Variants in PLCH1 observed in about 807,000 individuals in gnomAD.
PLCH1 encodes 1-phosphatidylinositol 4,5-bisphosphate phosphodiesterase eta-1.
A neutral mutation model predicts 126.7 loss-of-function variants in PLCH1; 60 were observed. That is an observed-to-expected ratio of 0.47 (90% confidence interval 0.38 to 0.59). PLCH1 has a LOEUF of 0.59. Ranked by LOEUF, PLCH1 falls within the 20% of genes least tolerant of loss-of-function variation. The probability of loss-of-function intolerance (pLI) is 0.00; values close to 1 mark genes in which losing one functional copy is unlikely to be tolerated. For missense variants in PLCH1, 1,723 were observed against 2,040.0 expected (o/e 0.84, Z 2.99); for synonymous variants, 719 against 734.9 (o/e 0.98, Z 0.35).
intron 9 of PLCH1, 73 bp downstream of exon 9, chr3:155,554,003 T>C: frequency 6.8e-7 from 1 of 1,476,004 alleles, no homozygotes; most frequent in South Asian, 1.2e-5. Flanking sequence ...GATGTGGTTT[T>C]GTAGCTACGT....
At chr3:155,555,278 G>T (rs1442588231) in intron 8 of PLCH1, among the ~76,000 whole-genome samples, 1 of 152,182 alleles carries the variant, frequency 6.6e-6, no homozygotes, top group Non-Finnish European at 1.5e-5. Context: ...AACACAGCTG[G>T]ACTCTATTTC....
chr3:155,671,379 T>A (rs1743431379), intron 2 of PLCH1, among the ~76,000 whole-genome samples: 1 of 152,230 alleles, frequency 6.6e-6, no homozygotes, highest in South Asian at 2.1e-4. Flanking sequence ...TGATGCTATG[T>A]TCTGAAGCAG....
intron 2 of PLCH1, among the ~76,000 whole-genome samples, chr3:155,684,191 C>G (rs568424312): frequency 1.1e-4 from 16 of 152,262 alleles, no homozygotes; most frequent in African/African-American, 3.6e-4. Context: ...ACCCCCTTAT[C>G]CAGCAATACT....
intron 11 of PLCH1, among the ~76,000 whole-genome samples, chr3:155,517,181 C>T (rs1720452714): frequency 6.6e-6 from 1 of 152,060 alleles, no homozygotes; most frequent in Non-Finnish European, 1.5e-5. Context: ...GTGGCATGCA[C>T]CTGTAGCCCT....
chr3:155,469,459 A>C (rs1254452980), intron 21 of PLCH1, among the ~76,000 whole-genome samples: 1 of 152,180 alleles, frequency 6.6e-6, no homozygotes, highest in Non-Finnish European at 1.5e-5. Flanking sequence ...CTAGCACAGC[A>C]GTCTGAGATC....
intron 2 of PLCH1, among the ~76,000 whole-genome samples, chr3:155,665,081 T>C (rs550113236): frequency 2.0e-5 from 3 of 152,184 alleles, no homozygotes; most frequent in Non-Finnish European, 4.4e-5. Context: ...AAAAACTGGC[T>C]AACATGATCC....
chr3:155,477,538 C>A (rs2107989313), downstream of PLCH1, among the ~76,000 whole-genome samples: 1 of 152,114 alleles, frequency 6.6e-6, no homozygotes, highest in East Asian at 1.9e-4. Context: ...GGAACTCAAA[C>A]AACTCTATAG....
intron 4 of PLCH1, among the ~76,000 whole-genome samples, chr3:155,590,422 C>CA (rs1378591727): frequency 6.6e-6 from 1 of 151,932 alleles, no homozygotes; most frequent in African/African-American, 2.4e-5. Flanking sequence ...ACTAAAAATA[C>CA]AAAAAATTAG....
chr3:155,707,134 C>T (rs905167818), intron 1 of PLCH1, among the ~76,000 whole-genome samples: 1 of 152,110 alleles, frequency 6.6e-6, no homozygotes, highest in Non-Finnish European at 1.5e-5. Context: ...CAGGAAAGGG[C>T]CCTCACAAGA....
intron 10 of PLCH1, among the ~76,000 whole-genome samples, chr3:155,531,035 G>A (rs995034899): frequency 6.6e-6 from 1 of 152,104 alleles, no homozygotes; most frequent in Non-Finnish European, 1.5e-5. Flanking sequence ...TGAGCAGTAG[G>A]TCTCAATAGT....
chr3:155,566,019 C>G (rs912158006), intron 7 of PLCH1, among the ~76,000 whole-genome samples: 5 of 149,138 alleles, frequency 3.4e-5, no homozygotes, highest in African/African-American at 1.2e-4. Flanking sequence ...AATGGCAACA[C>G]AAGAACAGCC....
At chr3:155,731,745 A>G (rs1357524633) in intron 1 of PLCH1, among the ~76,000 whole-genome samples, 1 of 152,150 alleles carries the variant, frequency 6.6e-6, no homozygotes, top group Admixed American at 6.5e-5. Flanking sequence ...CACTTTAGAA[A>G]GTCAAGGCAA....
intron 2 of PLCH1, among the ~76,000 whole-genome samples, 200 bp from the exon 3 acceptor site, chr3:155,596,578 GAAAA>G (rs34847648): frequency 7.4e-6 from 1 of 135,684 alleles, no homozygotes; most frequent in Non-Finnish European, 1.6e-5. Flanking sequence ...CTTACTAACA[GAAAA>G]AAAAAAAAAA....
chr3:155,622,540 T>G (rs1216491233), intron 2 of PLCH1, among the ~76,000 whole-genome samples: 1 of 150,348 alleles, frequency 6.7e-6, no homozygotes, highest in East Asian at 2.0e-4. Context: ...AAGACACACA[T>G]AGGCTCAAAA....
chr3:155,545,442 C>T (rs1220918839), intron 10 of PLCH1, among the ~76,000 whole-genome samples: 1,600 of 147,874 alleles, frequency 0.011, 31 homozygotes, highest in African/African-American at 0.037. Flanking sequence ...GATTCAAAGC[C>T]GAATTCTACC....
In PLCH1 at chr3:155,699,370, C is replaced by T. The variant is rs558895964; in HGVS notation, c.79+4776G>A. On this transcript the variant is annotated intron_variant, in intron 2 of 22. Transcript: ENST00000460012. Reference sequence around the variant, plus strand: ...GGGATTACAGGCGTGAACCACTGCGCCCAGCCTGATACTTTTAATCTTAAT... The same window carrying T: ...GGGATTACAGGCGTGAACCACTGCGTCCAGCCTGATACTTTTAATCTTAAT... Among the ~76,000 whole-genome samples, 11 of 152,298 alleles carry T rather than the reference C, an allele frequency of 7.2e-5. 1 individual carries two copies. The South Asian group carries it at 2.3e-3, about 32-fold the overall frequency.
rs766082327 is a variant in PLCH1 at position 155,568,312 on chromosome 3, T to C, written c.784A>G (p.Thr262Ala). 3 of 1,473,282 alleles carry C rather than the reference T, an allele frequency of 2.0e-6. No individual in the cohort carries two copies. The highest frequency in any genetic ancestry group is 2.8e-6 in the Non-Finnish European group (3 of 1,057,386). 91.3% of individuals were successfully genotyped at this position (1,473,282 alleles called of 1,614,324 possible). ...ATGATGTCAAGACAATAGTCCGTTG[T>C]CACATTATTCATCTAAGAAAAACAG... The part of the protein sequence containing the change: ...LKVEQKMNNV[T>A]TDYCLDIIKK... Residue 262 changes from threonine (T) to alanine (A), a missense_variant, in exon 7 of 23, where the codon ACA becomes GCA. Physicochemically the swap from Thr to Ala is moderately conservative, Grantham distance 58. Coordinates refer to ENST00000460012, the MANE Select transcript of PLCH1 (RefSeq NM_014996.4).
In PLCH1 at chr3:155,517,740, G is replaced by A. The variant is rs560691028; in HGVS notation, c.1471-2856C>T. ...ATAAGCTCACATACATAAGTACCAC[G>A]GATTAAGACTTGAACCTATCTTTCA... On this transcript the variant is annotated intron_variant, in intron 11 of 22. Coordinates refer to ENST00000460012, the MANE Select transcript of PLCH1 (RefSeq NM_014996.4). 8.5e-5 allele frequency among the ~76,000 whole-genome samples: 13 copies of A among 152,156 alleles called. 1 individual carries two copies. In the South Asian group the frequency reaches 2.1e-3, roughly 24 times the overall value.
At chr3:155,469,085 A>C (rs1303314529) in intron 21 of PLCH1, among the ~76,000 whole-genome samples, 1 of 152,210 alleles carries the variant, frequency 6.6e-6, no homozygotes, top group Non-Finnish European at 1.5e-5. Flanking sequence ...AAGATGGCCG[A>C]ATAGGAACAG....
Sources: gnomAD v4.1 joint callset for allele counts (sites outside exome capture counted in the v4.1 genomes callset) on GRCh38, gnomAD v4.1.1 for gene constraint, MANE v1.5 for transcripts, NCBI Gene and HGNC (gene_info 2026-07-23, HGNC 2026-07-21) for gene names.